Variants in SLC37A1 observed in about 807,000 individuals in gnomAD.
SLC37A1 encodes glucose-6-phosphate exchanger SLC37A1.
Under a neutral mutation model 75.3 loss-of-function variants are expected in SLC37A1, and 49 were observed. That is an observed-to-expected ratio of 0.65 (90% CI 0.52 to 0.83). SLC37A1 has a LOEUF of 0.83. Ranked by LOEUF, SLC37A1 falls within the 40% of genes least tolerant of loss-of-function variation. The pLI is 0.00. For missense variants in SLC37A1, 566 were observed against 695.0 expected, an observed-to-expected ratio of 0.81 and a Z score of 2.09; for synonymous variants, 268 against 292.1, an observed-to-expected ratio of 0.92 and a Z score of 0.84.
intron 16 of SLC37A1, among the ~76,000 whole-genome samples, chr21:42,567,735 A>C (rs2056016179): frequency 6.6e-6 from 1 of 152,004 alleles, no homozygotes; most frequent in Non-Finnish European, 1.5e-5. Flanking sequence ...GCTTCTAGGC[A>C]CTGTTTCCCC....
rs1355149799 is a variant in SLC37A1 at position 42,570,265 on chromosome 21, G to A, written c.1423+1827G>A. On this transcript the variant is annotated intron_variant, in intron 17 of 19. Transcript: ENST00000352133. ...GACACACGGCCTGGTTCTGAGAAGC[G>A]GCAGGCAGGGTGGCCGTTGTCATGC... is the stretch of plus-strand genomic sequence containing the variant. Among the ~76,000 whole-genome samples, 5 of 96,550 alleles carry A rather than the reference G, an allele frequency of 5.2e-5. 1 individual carries two copies. Among genetic ancestry groups the A allele is most frequent in the Non-Finnish European group, 1.1e-4 (5 of 44,344 alleles). 63.3% of individuals were successfully genotyped at this position (96,550 alleles called of 152,430 possible).
At chr21:42,525,696 G>A (rs564172609) in intron 2 of SLC37A1, 80 bp from the exon 3 acceptor site, 23 of 968,734 alleles carry the variant, frequency 2.4e-5, no homozygotes, top group African/African-American at 4.8e-5. Context: ...GCATAAGAAC[G>A]TTTCAGAACA....
At chr21:42,505,785 C>G (rs2054379291) in intron 2 of SLC37A1, among the ~76,000 whole-genome samples, 1 of 152,136 alleles carries the variant, frequency 6.6e-6, no homozygotes, top group East Asian at 1.9e-4. Context: ...CAGAAAATTT[C>G]TGATTTCTGA....
chr21:42,552,368 G>A lies in SLC37A1; in HGVS notation c.769-1694G>A, dbSNP rs116516040. On this transcript the variant is annotated intron_variant, in intron 9 of 19. Transcript: ENST00000352133. The surrounding 1 kb of genome is among the most constrained non-coding windows in gnomAD (Gnocchi z 4.2). ...ACAGGCAGTTACTAAAACAAGATGG[G>A]AAGGTATTTCTCTCTTCTATTCAAG... Among the ~76,000 whole-genome samples the A allele has an allele frequency of 5.6e-3, 858 of 152,316 alleles. 5 individuals carry two copies. The highest frequency in any genetic ancestry group is 0.02 in the African/African-American group (839 of 41,560).
chr21:42,550,889 C>T (rs1198086106), intron 9 of SLC37A1, among the ~76,000 whole-genome samples: 2 of 147,476 alleles, frequency 1.4e-5, no homozygotes, highest in East Asian at 3.9e-4. Flanking sequence ...CATGTGAAAA[C>T]ACTCAACAAA....
At chr21:42,553,389 C>T (rs1601734245) in intron 9 of SLC37A1, among the ~76,000 whole-genome samples, 1 of 152,336 alleles carries the variant, frequency 6.6e-6, no homozygotes, top group South Asian at 2.1e-4. Context: ...CATTTTACCA[C>T]TGGAGAATTT....
At position 42,563,812 on chromosome 21, in the gene SLC37A1, T is replaced by C. The variant is rs1227054949; in HGVS notation, c.1073-3T>C. On this transcript the variant is annotated splice_region_variant and splice_polypyrimidine_tract_variant and intron_variant, in intron 12 of 19. Transcript: ENST00000352133. Reference sequence around the variant, plus strand: ...GTTTCACACTCCGTTGTCATTTCAATAGATCACCTTGATGCCAAAAAGGCG... The same window carrying C: ...GTTTCACACTCCGTTGTCATTTCAACAGATCACCTTGATGCCAAAAAGGCG... The C allele has an allele frequency of 3.1e-6, 5 of 1,614,204 alleles. No individual in the cohort carries two copies. The South Asian group carries it at 5.5e-5, about 18-fold the overall frequency.
chr21:42,565,552 C>G (rs532818581), intron 14 of SLC37A1, among the ~76,000 whole-genome samples: 1 of 152,304 alleles, frequency 6.6e-6, no homozygotes, highest in Admixed American at 6.5e-5. Context: ...TGGGTAGGAG[C>G]TCAGGAAGGC....
chr21:42,576,336 A>C (rs1419940329), intron 18 of SLC37A1, among the ~76,000 whole-genome samples: 2 of 151,920 alleles, frequency 1.3e-5, no homozygotes, highest in African/African-American at 2.4e-5. Context: ...TTAGCCATAG[A>C]CCTCCCCACA....
At chr21:42,507,880 C>A (rs969320965) in intron 2 of SLC37A1, among the ~76,000 whole-genome samples, 1 of 152,150 alleles carries the variant, frequency 6.6e-6, no homozygotes, top group Non-Finnish European at 1.5e-5. Flanking sequence ...CCCACTAGGT[C>A]CCACCTCCAA....
chr21:42,526,395 T>C (rs1393125293), intron 3 of SLC37A1, among the ~76,000 whole-genome samples: 3 of 152,320 alleles, frequency 2.0e-5, no homozygotes, highest in East Asian at 3.9e-4. Flanking sequence ...CTTACCCTCA[T>C]TGGGATTACG....
chr21:42,504,641 C>T (rs2054368022), intron 2 of SLC37A1, among the ~76,000 whole-genome samples: 2 of 152,188 alleles, frequency 1.3e-5, no homozygotes, highest in Non-Finnish European at 2.9e-5. Context: ...AGGCGTCTTA[C>T]TCCCAAGTTC....
In SLC37A1 at chr21:42,574,869, G is replaced by A; in HGVS notation, c.1475G>A (p.Ser492Asn). The change falls in exon 18 of 20, where the codon AGC becomes AAC. Residue 492 changes from serine (S) to asparagine (N), a missense_variant. Coordinates refer to ENST00000352133, the MANE Select transcript of SLC37A1 (RefSeq NM_001320537.2). ...GGGCTCCTCTCCCCGTCCGGCTGGA[G>A]CAATGTGTTTTACATGCTGATGTTT... is the stretch of plus-strand genomic sequence containing the variant. The part of the protein sequence containing the change: ...LAGLLSPSGW[S>N]NVFYMLMFAD... 1 of 1,614,214 alleles carries A rather than the reference G, an allele frequency of 6.2e-7. No homozygotes were observed. Among genetic ancestry groups the A allele is most frequent in the Non-Finnish European group, 8.5e-7 (1 of 1,180,034 alleles).
chr21:42,508,228 A>G (rs2054403135), intron 2 of SLC37A1, among the ~76,000 whole-genome samples: 1 of 149,168 alleles, frequency 6.7e-6, no homozygotes. Flanking sequence ...TCCCGGGTTC[A>G]AGCAATTCTT....
At chr21:42,541,257 ACCT>A (rs1569008822) in intron 6 of SLC37A1, among the ~76,000 whole-genome samples, 1 of 151,958 alleles carries the variant, frequency 6.6e-6, no homozygotes, top group Non-Finnish European at 1.5e-5. Flanking sequence ...CCCACTACTC[ACCT>A]CCTGCTGTGT....
intron 11 of SLC37A1, chr21:42,561,544 G>A (rs228096): frequency 0.31 from 49,056 of 157,570 alleles, 9,370 homozygotes; most frequent in Admixed American, 0.53. Flanking sequence ...TCAGTTCCAG[G>A]GAAGAAGAAG....
At chr21:42,519,267 G>A (rs951884061) in intron 2 of SLC37A1, among the ~76,000 whole-genome samples, 11 of 152,224 alleles carry the variant, frequency 7.2e-5, no homozygotes, top group African/African-American at 1.7e-4. Context: ...CTTATGCACC[G>A]TCCGTCCTTC....
intron 6 of SLC37A1, among the ~76,000 whole-genome samples, chr21:42,540,226 C>T (rs1458139889): frequency 6.6e-6 from 1 of 152,244 alleles, no homozygotes; most frequent in Admixed American, 6.5e-5. Context: ...CCACCTAGGT[C>T]TGTCCACAGT....
At chr21:42,579,905 G>A (rs764927578) in intron 19 of SLC37A1, 105 bp downstream of exon 19, 16 of 1,082,880 alleles carry the variant, frequency 1.5e-5, no homozygotes, top group Middle Eastern at 2.0e-4. Flanking sequence ...AAGAAAACGC[G>A]TGGCTTATCT....
Sources: allele counts gnomAD v4.1 joint callset (sites outside exome capture counted in the v4.1 genomes callset), GRCh38; gene constraint gnomAD v4.1.1; non-coding constraint Gnocchi (gnomAD v3.1); transcripts MANE v1.5; gene names NCBI Gene and HGNC (gene_info 2026-07-23, HGNC 2026-07-21).